The following MAML2 variants were observed in gnomAD, a reference collection of about 807,000 sequenced individuals.
MAML2 encodes mastermind-like protein 2.
A neutral mutation model predicts 96.1 loss-of-function variants in MAML2; 22 were observed. The ratio of observed to expected loss-of-function variants is 0.23; its 90% CI spans 0.16 to 0.33. The LOEUF (loss-of-function observed/expected upper bound fraction) is 0.33. MAML2 is among the 10% of genes least tolerant of loss of function. The pLI is 1.00. For missense variants in MAML2, 1,367 were observed against 1,392.4 expected (o/e 0.98, Z 0.29); for synonymous variants, 561 against 521.3 (o/e 1.08, Z -1.04).
chr11:96,339,248 A>G (rs577395552), intron 1 of MAML2, among the ~76,000 whole-genome samples: 1 of 152,332 alleles, frequency 6.6e-6, no homozygotes, highest in South Asian at 2.1e-4. Context: ...GAGGTAGCAC[A>G]GCAGCCAGCT....
Position 96,037,217 on chromosome 11 carries a change from C to CA in MAML2, c.2140-45495_2140-45494insT, listed in dbSNP as rs1858731840. 2.2e-4 allele frequency among the ~76,000 whole-genome samples: 33 copies of CA among 151,460 alleles called. 1 individual carries two copies. The South Asian group carries it at 6.7e-3, about 31-fold the overall frequency. On this transcript the variant is annotated intron_variant, in intron 2 of 4. Transcript: ENST00000524717. Reference sequence around the variant, plus strand: ...AAAACAACAACAACAAAAAAAATAACTCTGGCTTTGCAGTTTCCCTGCTGC... The same window carrying CA: ...AAAACAACAACAACAAAAAAAATAACATCTGGCTTTGCAGTTTCCCTGCTGC...
intron 1 of MAML2, among the ~76,000 whole-genome samples, chr11:96,319,391 C>T (rs565804522): frequency 1.3e-5 from 2 of 152,326 alleles, no homozygotes; most frequent in East Asian, 1.9e-4. Context: ...ATGTTTGCTG[C>T]TTTCAACTGC....
chr11:96,001,249 G>T (rs1398452372), intron 2 of MAML2, among the ~76,000 whole-genome samples: 1 of 152,188 alleles, frequency 6.6e-6, no homozygotes. Flanking sequence ...AGTTCCATGA[G>T]TGAGAAAGCA....
chr11:96,274,958 A>T (rs1454323378), intron 1 of MAML2, among the ~76,000 whole-genome samples: 1 of 148,504 alleles, frequency 6.7e-6, no homozygotes, highest in Admixed American at 7.1e-5. Flanking sequence ...GGGCTCATTT[A>T]TACATATTTT....
At chr11:96,070,133 T>G (rs1199746958) in intron 2 of MAML2, among the ~76,000 whole-genome samples, 2 of 151,394 alleles carry the variant, frequency 1.3e-5, no homozygotes, top group African/African-American at 4.9e-5. Flanking sequence ...CTACTAAAAA[T>G]ACAAAAAATT....
chr11:96,163,179 G>A (rs534391645), intron 1 of MAML2, among the ~76,000 whole-genome samples: 13 of 152,082 alleles, frequency 8.5e-5, no homozygotes, highest in Admixed American at 2.0e-4. Flanking sequence ...AGACTGTCTC[G>A]GCAGTTTAAG....
At chr11:96,179,485 T>A (rs1348820433) in intron 1 of MAML2, among the ~76,000 whole-genome samples, 2 of 152,066 alleles carry the variant, frequency 1.3e-5, no homozygotes, top group African/African-American at 4.8e-5. Flanking sequence ...AACCTACATA[T>A]AGGAAAGAAT....
rs565307922 is a variant in MAML2 at position 96,229,959 on chromosome 11, T to C, written c.513+111424A>G. Among the ~76,000 whole-genome samples the C allele has an allele frequency of 2.6e-4, 39 of 152,340 alleles. No individual in the cohort carries two copies. The East Asian group carries it at 6.4e-3, about 25-fold the overall frequency. On this transcript the variant is annotated intron_variant, in intron 1 of 4. Transcript: ENST00000524717. ...CTTTTTCTTACACAGAAAAGTACTATGTTTGGTATGCAAATATTATTATTA... is the reference window on the plus strand; with the variant it reads ...CTTTTTCTTACACAGAAAAGTACTACGTTTGGTATGCAAATATTATTATTA...
chr11:96,165,799 T>A (rs999418125), intron 1 of MAML2, among the ~76,000 whole-genome samples: 2 of 152,262 alleles, frequency 1.3e-5, no homozygotes, highest in African/African-American at 4.8e-5. Flanking sequence ...AAAAACAGCA[T>A]TACCAATTTT....
intron 1 of MAML2, among the ~76,000 whole-genome samples, chr11:96,306,962 C>T (rs1332937771): frequency 6.6e-6 from 1 of 152,116 alleles, no homozygotes. Flanking sequence ...TGAAATAAAG[C>T]GTAATGTGAA....
intron 2 of MAML2, among the ~76,000 whole-genome samples, chr11:96,060,813 C>T (rs1224049815): frequency 6.6e-6 from 1 of 152,176 alleles, no homozygotes; most frequent in Non-Finnish European, 1.5e-5. Context: ...TGGCTGAGAT[C>T]TAAGAGTTCT....
At chr11:96,228,067 A>G (rs1392172343) in intron 1 of MAML2, among the ~76,000 whole-genome samples, 2 of 152,094 alleles carry the variant, frequency 1.3e-5, no homozygotes, top group Admixed American at 6.5e-5. Context: ...GTGCCACTGC[A>G]CTCCAGCCTG....
intron 2 of MAML2, among the ~76,000 whole-genome samples, chr11:96,008,981 AG>A (rs1302928564): frequency 6.6e-6 from 1 of 152,174 alleles, no homozygotes; most frequent in African/African-American, 2.4e-5. Context: ...CATTTTTAAA[AG>A]TTGCTTTTTT....
At chr11:96,147,973 TGAG>T (rs928807763) in intron 1 of MAML2, among the ~76,000 whole-genome samples, 10 of 152,284 alleles carry the variant, frequency 6.6e-5, no homozygotes, top group Middle Eastern at 3.4e-3. Flanking sequence ...ATAATGAAAA[TGAG>T]GAGTAAAATG....
chr11:96,014,329 T>C (rs1858309999), intron 2 of MAML2, among the ~76,000 whole-genome samples: 1 of 152,264 alleles, frequency 6.6e-6, no homozygotes, highest in Non-Finnish European at 1.5e-5. Flanking sequence ...GTAACTAGGC[T>C]CTCCACAGGG....
rs185521332 is a variant in MAML2 at position 96,146,016 on chromosome 11, A to G, written c.514-52499T>C. Among the ~76,000 whole-genome samples the G allele has an allele frequency of 1.1e-4, 16 of 152,354 alleles. 1 individual carries two copies. Among genetic ancestry groups the G allele is most frequent in the Admixed American group, 9.1e-4 (14 of 15,306 alleles). On this transcript the variant is annotated intron_variant, in intron 1 of 4. Coordinates refer to ENST00000524717, the MANE Select transcript of MAML2 (RefSeq NM_032427.4). ...AGAGCAAGACTCCGTCTCAAAAAAA[A>G]AAATTGTATACTTACACGTGTGTGT...
intron 1 of MAML2, among the ~76,000 whole-genome samples, chr11:96,277,686 C>G (rs1430902208): frequency 6.8e-6 from 1 of 146,668 alleles, no homozygotes; most frequent in Non-Finnish European, 1.5e-5. Flanking sequence ...TGCAGTGAGC[C>G]GAGATCATGC....
intron 1 of MAML2, among the ~76,000 whole-genome samples, chr11:96,253,679 G>C (rs142566663): frequency 1.2e-4 from 19 of 152,322 alleles, no homozygotes; most frequent in African/African-American, 4.6e-4. Flanking sequence ...AGGCAAAGCT[G>C]TTCCAGCACA....
intron 1 of MAML2, among the ~76,000 whole-genome samples, chr11:96,285,428 A>G (rs2135988366): frequency 6.6e-6 from 1 of 152,322 alleles, no homozygotes; most frequent in East Asian, 1.9e-4. Flanking sequence ...AAGATTTCAT[A>G]GGAAAACACC....
Sources: gnomAD v4.1 joint callset for allele counts (sites outside exome capture counted in the v4.1 genomes callset) on GRCh38, gnomAD v4.1.1 for gene constraint, MANE v1.5 for transcripts, NCBI Gene and HGNC (gene_info 2026-07-23, HGNC 2026-07-21) for gene names.